Variants in DCDC1 observed in about 807,000 individuals in gnomAD.
DCDC1 encodes doublecortin domain containing 1, also known as doublecortin domain-containing protein 1.
Under a neutral mutation model 178.3 loss-of-function variants are expected in DCDC1, and 200 were observed. The observed-to-expected ratio is 1.12, with a 90% CI of 1.00 to 1.26. The LOEUF (loss-of-function observed/expected upper bound fraction) is 1.26. Ranked by LOEUF, DCDC1 falls within the 50% of genes most tolerant of loss-of-function variation. DCDC1 has a pLI of 0.00. For synonymous variants in DCDC1, 690 were observed against 604.8 expected, an observed-to-expected ratio of 1.14 and a Z score of -2.07; for missense variants, 1,983 against 1,749.2, an observed-to-expected ratio of 1.13 and a Z score of -2.38.
chr11:31,230,935 T>C (rs1975689958), intron 9 of DCDC1, among the ~76,000 whole-genome samples: 1 of 152,100 alleles, frequency 6.6e-6, no homozygotes, highest in Non-Finnish European at 1.5e-5. Context: ...AACTCTTCTT[T>C]AACATTCAGG....
intron 32 of DCDC1, among the ~76,000 whole-genome samples, chr11:30,901,105 T>C (rs1475913986): frequency 8.5e-5 from 13 of 152,088 alleles, no homozygotes; most frequent in Admixed American, 8.5e-4. Flanking sequence ...AAACACAATT[T>C]CCAGCTTCAT....
At chr11:31,203,105 G>A (rs909760784) in intron 9 of DCDC1, among the ~76,000 whole-genome samples, 2 of 152,072 alleles carry the variant, frequency 1.3e-5, no homozygotes, top group East Asian at 3.9e-4. Context: ...CGATGAGACT[G>A]CAAACCAAAA....
At chr11:30,967,514 C>T (rs1460055641) in intron 20 of DCDC1, among the ~76,000 whole-genome samples, 2 of 152,128 alleles carry the variant, frequency 1.3e-5, no homozygotes, top group Non-Finnish European at 2.9e-5. Context: ...ACACCAACAA[C>T]AGACAAACAG....
rs2135999967 is a variant in DCDC1 at position 31,137,703 on chromosome 11, C to G, written c.1303G>C (p.Glu435Gln). 1.4e-6 allele frequency: 1 copy of G among 702,704 alleles called. No individual in the cohort carries two copies. Among genetic ancestry groups the G allele is most frequent in the Middle Eastern group, 2.3e-4 (1 of 4,364 alleles). 43.5% of individuals were successfully genotyped at this position (702,704 alleles called of 1,614,324 possible). ...AGTAATTTCCTTACTTCTTCCTGTTCCTTATGGTGTTCCTTTGCCGTCATT... is the reference window on the plus strand; with the variant it reads ...AGTAATTTCCTTACTTCTTCCTGTTGCTTATGGTGTTCCTTTGCCGTCATT... ...LSMTAKEHHK[E>Q]QEEVSRLIDE... Residue 435 changes from glutamate to glutamine, a missense_variant, in exon 10 of 39, where the codon GAA becomes CAA. By Grantham distance (29) the Glu-to-Gln change is conservative (BLOSUM62 2). Transcript: ENST00000684477.
intron 21 of DCDC1, among the ~76,000 whole-genome samples, chr11:30,932,344 A>G (rs1946982692): frequency 6.6e-6 from 1 of 152,204 alleles, no homozygotes; most frequent in Non-Finnish European, 1.5e-5. Flanking sequence ...AACTAGATCT[A>G]ATTGGCAAAA....
At chr11:30,929,075 T>C (rs1457854190) in intron 22 of DCDC1, among the ~76,000 whole-genome samples, 2 of 152,130 alleles carry the variant, frequency 1.3e-5, no homozygotes, top group Non-Finnish European at 2.9e-5. Flanking sequence ...AAATACTTTA[T>C]AATTAATTGT....
intron 21 of DCDC1, 80 bp from the exon 22 acceptor site, chr11:30,932,032 GT>G (rs1946961815): frequency 9.8e-6 from 13 of 1,332,876 alleles, no homozygotes; most frequent in Non-Finnish European, 1.3e-5. Flanking sequence ...ATTAAACACA[GT>G]TTATACCTTT....
chr11:31,273,426 G>C (rs1371599154), intron 7 of DCDC1, among the ~76,000 whole-genome samples: 1 of 152,038 alleles, frequency 6.6e-6, no homozygotes, highest in Non-Finnish European at 1.5e-5. Flanking sequence ...CAAATCTCTA[G>C]GGCAGGGGCA....
intron 20 of DCDC1, among the ~76,000 whole-genome samples, chr11:31,015,618 A>G (rs16921679): frequency 0.019 from 2,920 of 152,332 alleles, 93 homozygotes; most frequent in African/African-American, 0.066. Context: ...TTCTACTGAA[A>G]AGATAACTGC....
intron 2 of DCDC1, among the ~76,000 whole-genome samples, chr11:31,331,955 T>C (rs1445830608): frequency 6.6e-6 from 1 of 152,212 alleles, no homozygotes; most frequent in Non-Finnish European, 1.5e-5. Context: ...GAAGAAATGG[T>C]ACCAGCTCCT....
intron 20 of DCDC1, among the ~76,000 whole-genome samples, chr11:31,040,645 C>T (rs568966111): frequency 5.3e-5 from 8 of 152,110 alleles, no homozygotes; most frequent in Non-Finnish European, 1.2e-4. Flanking sequence ...CTATTATTTG[C>T]ATCAATAATT....
intron 3 of DCDC1, among the ~76,000 whole-genome samples, chr11:31,326,396 T>G (rs1469820318): frequency 2.0e-5 from 3 of 151,960 alleles, no homozygotes; most frequent in Non-Finnish European, 4.4e-5. Flanking sequence ...TAGCTAAAAA[T>G]GCACAAAAAT....
intron 9 of DCDC1, among the ~76,000 whole-genome samples, chr11:31,148,267 C>A (rs1272199758): frequency 1.3e-5 from 2 of 149,606 alleles, no homozygotes; most frequent in Non-Finnish European, 3.0e-5. Context: ...CCATTTAAGG[C>A]CGGGCGCCGT....
rs766124958 is a variant in DCDC1, at chr11:30,931,863, A to C, written c.2805T>G (p.Pro935=). 1 of 1,613,076 alleles carries C rather than the reference A, an allele frequency of 6.2e-7. No individual in the cohort carries two copies. Among genetic ancestry groups the C allele is most frequent in the Non-Finnish European group, 8.5e-7 (1 of 1,179,436 alleles). The change falls in exon 22 of 39, where the codon CCT becomes CCG. Residue 935 remains proline (P), a synonymous_variant. Coordinates refer to ENST00000684477, the MANE Select transcript of DCDC1 (RefSeq NM_001387274.1). ...PICKTTEPYA[P]VRLRVLQNGE... is the part of the protein sequence containing the mutation. ...CATTCTGCAAAACTCTGAGTCGCACAGGGGCATATGGCTCTGTTGTCTTAC... is the reference window on the plus strand; with the variant it reads ...CATTCTGCAAAACTCTGAGTCGCACCGGGGCATATGGCTCTGTTGTCTTAC...
At chr11:31,131,416 T>G (rs1416553239) in intron 10 of DCDC1, among the ~76,000 whole-genome samples, 1 of 152,178 alleles carries the variant, frequency 6.6e-6, no homozygotes, top group Non-Finnish European at 1.5e-5. Flanking sequence ...TCCATAGTAC[T>G]GTTAATTCTA....
chr11:31,020,366 C>T (rs1952788911), intron 20 of DCDC1, among the ~76,000 whole-genome samples: 1 of 152,062 alleles, frequency 6.6e-6, no homozygotes, highest in Non-Finnish European at 1.5e-5. Context: ...ACAGCCTCCT[C>T]ATCTCTCATG....
At chr11:31,112,469 G>A (rs1959194684) in intron 11 of DCDC1, among the ~76,000 whole-genome samples, 1 of 152,146 alleles carries the variant, frequency 6.6e-6, no homozygotes, top group Non-Finnish European at 1.5e-5. Context: ...ATCAGCTGCT[G>A]TATTGGCTTC....
intron 32 of DCDC1, among the ~76,000 whole-genome samples, chr11:30,902,771 GC>G (rs1191683443): frequency 6.6e-6 from 1 of 152,088 alleles, no homozygotes; most frequent in Non-Finnish European, 1.5e-5. Flanking sequence ...TCTAAATTAT[GC>G]CTCTCAGTAC....
chr11:31,013,051 G>A (rs545030741), intron 20 of DCDC1, among the ~76,000 whole-genome samples: 1 of 152,088 alleles, frequency 6.6e-6, no homozygotes, highest in Non-Finnish European at 1.5e-5. Context: ...ATTAAAGCTG[G>A]TTAGTCAGTA....
Sources: allele counts gnomAD v4.1 joint callset (sites outside exome capture counted in the v4.1 genomes callset), GRCh38; gene constraint gnomAD v4.1.1; transcripts MANE v1.5; gene names NCBI Gene and HGNC (gene_info 2026-07-23, HGNC 2026-07-21).